Variants in DRD2 observed in about 807,000 individuals in gnomAD.
The protein encoded by DRD2 is D(2) dopamine receptor.
DRD2 carries 8 observed loss-of-function variants against 38.0 expected under a neutral mutation model. The observed-to-expected ratio is 0.21, with a 90% CI of 0.12 to 0.38. The LOEUF (loss-of-function observed/expected upper bound fraction) is 0.38, where lower values mean the gene tolerates loss of function less well. Ranked by LOEUF, DRD2 falls within the 10% of genes least tolerant of loss-of-function variation. DRD2 has a pLI of 1.00. For synonymous variants in DRD2, 230 were observed against 238.6 expected (o/e 0.96, Z 0.33); for missense variants, 403 against 607.7 (o/e 0.66, Z 3.54).
At chr11:113,413,893 A>AT in intron 6 of DRD2, 1 of 247,776 alleles carries the variant, frequency 4.0e-6, no homozygotes, top group South Asian at 5.2e-5. Context: ...GCCCATCCAT[A>AT]AGGCAGCTCA....
rs1124493 is a variant in DRD2, at chr11:113,411,573, T to G, written c.1139-653A>C. The G allele has an allele frequency of 0.58, 89,149 of 152,402 alleles. 27,664 individuals carry two copies. The highest frequency in any genetic ancestry group is 0.7 in the Non-Finnish European group (47,729 of 68,244). The allele number at this position is 152,402 out of a possible 1,614,324, so 9.4% of individuals were successfully genotyped here. On this transcript the variant is annotated intron_variant, in intron 7 of 7. Coordinates refer to ENST00000362072, the MANE Select transcript of DRD2 (RefSeq NM_000795.4). The stretch of plus-strand genomic sequence containing the variant: ...ACCTCCTGCACAGGTGTGATATTTA[T>G]CCTGGAAGCAATGTGTACATGGAAT...
intron 1 of DRD2, among the ~76,000 whole-genome samples, chr11:113,432,288 TTCTC>T (rs56097058): frequency 0.031 from 4,274 of 136,258 alleles, 93 homozygotes; most frequent in South Asian, 0.059. Context: ...GATCCTCTCT[TTCTC>T]TCTCTCTCTC....
chr11:113,424,820 A>G, intron 1 of DRD2, 138 bp from the exon 2 acceptor site: 1 of 879,496 alleles, frequency 1.1e-6, no homozygotes, highest in Non-Finnish European at 1.7e-6. Context: ...AGAATTTTCT[A>G]AAAATGTTGG....
chr11:113,438,311 G>C (rs1951057555), intron 1 of DRD2, among the ~76,000 whole-genome samples: 1 of 152,100 alleles, frequency 6.6e-6, no homozygotes. Context: ...GTAACATGGG[G>C]GCAATAACAT....
intron 4 of DRD2, 93 bp downstream of exon 4, chr11:113,416,770 T>C: frequency 6.5e-7 from 1 of 1,544,620 alleles, no homozygotes; most frequent in Non-Finnish European, 8.8e-7. Context: ...CCTCCACCCA[T>C]ATCTGTGCCA....
intron 3 of DRD2, 41 bp downstream of exon 3, chr11:113,417,986 T>C (rs745657838): frequency 2.6e-6 from 4 of 1,548,468 alleles, no homozygotes; most frequent in Non-Finnish European, 2.7e-6. Context: ...GCCAGAATGG[T>C]GAGTGGCCAG....
chr11:113,421,751 G>T (rs992596236), intron 2 of DRD2, among the ~76,000 whole-genome samples: 1 of 152,160 alleles, frequency 6.6e-6, no homozygotes, highest in Non-Finnish European at 1.5e-5. Context: ...TGGTTGTGAG[G>T]GTGCGCTGAT....
At chr11:113,460,834 AG>A (rs1279708916) in intron 1 of DRD2, among the ~76,000 whole-genome samples, 1 of 152,248 alleles carries the variant, frequency 6.6e-6, no homozygotes, top group Non-Finnish European at 1.5e-5. Context: ...CTGTGCACTC[AG>A]GGAGGTAGTG....
intron 3 of DRD2, 76 bp downstream of exon 3, chr11:113,417,951 C>T: frequency 8.3e-7 from 1 of 1,210,730 alleles, no homozygotes. Context: ...CGAGACACAG[C>T]CTGGCTTTGA....
chr11:113,418,173 G>C, intron 2 of DRD2, 37 bp from the exon 3 acceptor site: 1 of 1,557,524 alleles, frequency 6.4e-7, no homozygotes, highest in Non-Finnish European at 8.9e-7. Flanking sequence ...GACAGCAGGA[G>C]TGGGAGATTA....
chr11:113,452,467 TGTGCGC>T (rs1300394484), intron 1 of DRD2, among the ~76,000 whole-genome samples: 5 of 91,084 alleles, frequency 5.5e-5, no homozygotes, highest in African/African-American at 2.0e-4. Flanking sequence ...TGTGTGTGTG[TGTGCGC>T]GCGCGCGCGC....
intron 1 of DRD2, among the ~76,000 whole-genome samples, chr11:113,462,501 G>C (rs781530924): frequency 2.0e-5 from 3 of 152,182 alleles, no homozygotes; most frequent in Non-Finnish European, 2.9e-5. Flanking sequence ...GACAGAGGCA[G>C]AGATTGGGGT....
intron 1 of DRD2, among the ~76,000 whole-genome samples, chr11:113,452,435 CGT>C (rs759448996): frequency 0.052 from 6,714 of 130,096 alleles, 206 homozygotes; most frequent in African/African-American, 0.087. Context: ...GGTGTGCATG[CGT>C]GTGTGTGTGT....
At chr11:113,410,943 G>A in intron 7 of DRD2, 23 bp from the exon 8 acceptor site, 2 of 1,598,214 alleles carry the variant, frequency 1.3e-6, no homozygotes, top group South Asian at 1.1e-5. Context: ...GCATGGTCAG[G>A]CTGGTCCCCA....
chr11:113,466,140 C>T (rs563148188), intron 1 of DRD2, among the ~76,000 whole-genome samples: 1 of 152,280 alleles, frequency 6.6e-6, no homozygotes, highest in South Asian at 2.1e-4. Context: ...TTTTTGAGTG[C>T]TCTGAACCAC....
Position 113,410,178 on chromosome 11 carries a change from T to G in DRD2, c.*549A>C. 2 of 189,716 alleles carry G rather than the reference T, an allele frequency of 1.1e-5. No individual in the cohort carries two copies. Among genetic ancestry groups the G allele is most frequent in the South Asian group, 1.2e-4 (1 of 8,594 alleles). 11.8% of individuals were successfully genotyped at this position (189,716 alleles called of 1,614,324 possible). On this transcript the variant is annotated 3_prime_UTR_variant, in exon 8 of 8. Transcript: ENST00000362072. Reference sequence around the variant, plus strand: ...ATCGGGGTGCGGGAGGGAGCTAAGGTTTTTGGCTTGGGAATCTCTGGGGTC... The same window carrying G: ...ATCGGGGTGCGGGAGGGAGCTAAGGGTTTTGGCTTGGGAATCTCTGGGGTC...
intron 1 of DRD2, among the ~76,000 whole-genome samples, chr11:113,464,194 G>T (rs1951347589): frequency 6.6e-6 from 1 of 152,106 alleles, no homozygotes; most frequent in Non-Finnish European, 1.5e-5. Flanking sequence ...GCCACGGAGG[G>T]AGCGGAAGAG....
chr11:113,446,478 A>G (rs1416051280), intron 1 of DRD2, among the ~76,000 whole-genome samples: 3 of 152,160 alleles, frequency 2.0e-5, no homozygotes, highest in Non-Finnish European at 4.4e-5. Context: ...AACATTACTA[A>G]TCCTTTTTCA....
intron 1 of DRD2, among the ~76,000 whole-genome samples, chr11:113,465,047 C>G (rs1016594808): frequency 1.3e-5 from 2 of 152,156 alleles, no homozygotes; most frequent in Admixed American, 1.3e-4. Context: ...GCAAACTCTC[C>G]TAGGTACTCT....
Sources: gnomAD v4.1 joint callset for allele counts (sites outside exome capture counted in the v4.1 genomes callset) on GRCh38, gnomAD v4.1.1 for gene constraint, MANE v1.5 for transcripts, NCBI Gene and HGNC (gene_info 2026-07-23, HGNC 2026-07-21) for gene names.